Variants in MIB1 observed in about 807,000 individuals in gnomAD.
MIB1 encodes the protein MIB E3 ubiquitin protein ligase 1.
MIB1 carries 278 observed loss-of-function variants against 124.5 expected under a neutral mutation model. That is an observed-to-expected ratio of 2.23 (90% CI 2.02 to 2.47). The LOEUF (loss-of-function observed/expected upper bound fraction) is 2.47. Ranked by LOEUF, MIB1 falls within the 30% of genes most tolerant of loss-of-function variation. The pLI is 0.00. For synonymous variants in MIB1, 446 were observed against 429.4 expected, an observed-to-expected ratio of 1.04 and a Z score of -0.48; for missense variants, 957 against 1,254.4, an observed-to-expected ratio of 0.76 and a Z score of 3.58.
chr18:21,782,145 G>A (rs1387860049), intron 6 of MIB1, among the ~76,000 whole-genome samples: 1 of 151,708 alleles, frequency 6.6e-6, no homozygotes, highest in Non-Finnish European at 1.5e-5. Flanking sequence ...TTTTTGAGAC[G>A]AAGTTTCGCT....
At chr18:21,729,583 G>A (rs961765514) in intron 1 of MIB1, among the ~76,000 whole-genome samples, 5 of 152,136 alleles carry the variant, frequency 3.3e-5, no homozygotes, top group South Asian at 2.1e-4. Flanking sequence ...TCTGCCTCCC[G>A]GGTTCAATTG....
At chr18:21,789,762 G>T (rs2041481032) in intron 6 of MIB1, among the ~76,000 whole-genome samples, 1 of 151,946 alleles carries the variant, frequency 6.6e-6, no homozygotes, top group South Asian at 2.1e-4. Context: ...GTGAGACTCT[G>T]TATCAAAAAA....
In MIB1 at chr18:21,718,008, A is replaced by C. The variant is rs2040697362; in HGVS notation, n.167+12885A>C. Among the ~76,000 whole-genome samples the C allele has an allele frequency of 1.3e-5, 2 of 152,240 alleles. 1 individual carries two copies. The highest frequency in any genetic ancestry group is 1.3e-4 in the Admixed American group (2 of 15,282). ...GAACCAACCCAAATGCCCATCAGTCAGTGAATGAATAAAGAAACTGGTATT... is the reference window on the plus strand; with the variant it reads ...GAACCAACCCAAATGCCCATCAGTCCGTGAATGAATAAAGAAACTGGTATT... On this transcript the variant is annotated intron_variant and non_coding_transcript_variant, in intron 1 of 20. Transcript: ENST00000578646.
chr18:21,707,941 T>C (rs377196402), intron 1 of MIB1, among the ~76,000 whole-genome samples: 2 of 152,202 alleles, frequency 1.3e-5, no homozygotes, highest in Non-Finnish European at 2.9e-5. Context: ...GGTTGGGTTT[T>C]GGTGAGGGCC....
Position 21,869,213 on chromosome 18 carries a change from C to T in MIB1, c.*4547C>T, listed in dbSNP as rs2042340054. 1 of 152,392 alleles carries T rather than the reference C, an allele frequency of 6.6e-6. No individual in the cohort carries two copies. The highest frequency in any genetic ancestry group is 1.5e-5 in the Non-Finnish European group (1 of 67,862). The allele number at this position is 152,392 out of a possible 1,614,324, so 9.4% of individuals were successfully genotyped here. ...GTCATATGCTGAATATTTTACTTTT[C>T]CTGTATAGTCTGCATGATTTGTTTC... On this transcript the variant is annotated 3_prime_UTR_variant, in exon 21 of 21. Transcript: ENST00000261537.
chr18:21,844,355 T>C, intron 15 of MIB1, 102 bp downstream of exon 15: 1 of 1,230,036 alleles, frequency 8.1e-7, no homozygotes, highest in South Asian at 1.4e-5. Flanking sequence ...AAATATTTTA[T>C]CAGAGCTATG....
At chr18:21,765,552 T>C (rs1369731638) in intron 1 of MIB1, among the ~76,000 whole-genome samples, 1 of 152,198 alleles carries the variant, frequency 6.6e-6, no homozygotes, top group African/African-American at 2.4e-5. Flanking sequence ...GTGTTCTTAC[T>C]AATGAAAAAG....
rs1371276398 is a variant in MIB1, at chr18:21,843,195, G to A, written c.2027G>A (p.Arg676Gln). Reference sequence around the variant, plus strand: ...ACTGCCCTACACCTTGCTGTTGAACGACAGCATACCCAGATTGTTAGGGTA... The same window carrying A: ...ACTGCCCTACACCTTGCTGTTGAACAACAGCATACCCAGATTGTTAGGGTA... Reference protein sequence around the residue: ...QQTALHLAVERQHTQIVRLLV... With the variant: ...QQTALHLAVEQQHTQIVRLLV... The change falls in exon 14 of 21, where the codon CGA becomes CAA. Residue 676 changes from arginine (R) to glutamine (Q), a missense_variant. Transcript: ENST00000261537. The A allele has an allele frequency of 4.4e-6, 7 of 1,596,042 alleles. No homozygotes were observed. The highest frequency in any genetic ancestry group is 2.3e-5 in the East Asian group (1 of 43,542).
At position 21,819,518 on chromosome 18, in the gene MIB1, T is replaced by G; in HGVS notation, c.1701T>G (p.Leu567=). 1 of 1,607,514 alleles carries G rather than the reference T, an allele frequency of 6.2e-7. No individual in the cohort carries two copies. The highest frequency in any genetic ancestry group is 2.2e-5 in the East Asian group (1 of 44,822). The change falls in exon 12 of 21, where the codon CTT becomes CTG. Residue 567 remains leucine, a synonymous_variant. Transcript: ENST00000261537. ...SLQDSEGDTP[L]HDAISKKRDD... ...AGGATTCTGAAGGTGATACCCCTCTTCATGATGCAATAAGTAAGAAACGTG... is the reference window on the plus strand; with the variant it reads ...AGGATTCTGAAGGTGATACCCCTCTGCATGATGCAATAAGTAAGAAACGTG...
intron 6 of MIB1, among the ~76,000 whole-genome samples, chr18:21,788,788 A>G (rs895313753): frequency 2.0e-5 from 3 of 152,250 alleles, no homozygotes; most frequent in African/African-American, 2.4e-5. Context: ...CAAGATTGAT[A>G]TAGGAACATC....
At chr18:21,722,080 G>T (rs548903629) in intron 1 of MIB1, among the ~76,000 whole-genome samples, 1 of 152,002 alleles carries the variant, frequency 6.6e-6, no homozygotes, top group South Asian at 2.1e-4. Context: ...TTTAAGACGG[G>T]GTCTTGCTCT....
intron 1 of MIB1, among the ~76,000 whole-genome samples, chr18:21,732,927 T>C (rs2040778914): frequency 1.3e-5 from 2 of 152,176 alleles, no homozygotes; most frequent in African/African-American, 2.4e-5. Flanking sequence ...AAGCAGATGT[T>C]ATTGTTTTTT....
rs1598612845 is a variant in MIB1 at position 21,791,424 on chromosome 18, G to A, written c.959G>A (p.Gly320Glu). The stretch of plus-strand genomic sequence containing the variant: ...ACTAAAGCGAACATTGTCCGAAGTG[G>A]AGATGCTGCTCAGGGTGCAGAAGGA... ...VLTKANIVRS[G>E]DAAQGAEGGT... Residue 320 changes from glycine (G) to glutamate (E), a missense_variant, in exon 7 of 21, where the codon GGA (glycine) becomes GAA (glutamate). Coordinates refer to ENST00000261537, the MANE Select transcript of MIB1 (RefSeq NM_020774.4). 3 of 1,613,796 alleles carry A rather than the reference G, an allele frequency of 1.9e-6. No individual in the cohort carries two copies. The highest frequency in any genetic ancestry group is 2.5e-6 in the Non-Finnish European group (3 of 1,179,910).
intron 19 of MIB1, among the ~76,000 whole-genome samples, chr18:21,857,573 A>G (rs1294512226): frequency 2.6e-5 from 4 of 152,262 alleles, no homozygotes; most frequent in African/African-American, 4.8e-5. Flanking sequence ...GTGGGACACC[A>G]TATTACAATT....
chr18:21,814,719 A>C (rs1231793681), intron 10 of MIB1, among the ~76,000 whole-genome samples: 1 of 151,674 alleles, frequency 6.6e-6, no homozygotes, highest in African/African-American at 2.4e-5. Flanking sequence ...GATTACAGGC[A>C]TGTGCCACCA....
At chr18:21,852,940 A>AGTGCCT (rs1311335799) in intron 17 of MIB1, among the ~76,000 whole-genome samples, 200 bp from the exon 18 acceptor site, 1 of 152,218 alleles carries the variant, frequency 6.6e-6, no homozygotes, top group African/African-American at 2.4e-5. Context: ...AATAGAAATA[A>AGTGCCT]GTGCCTGTTA....
chr18:21,831,146 T>C (rs1167116251), intron 12 of MIB1: 1 of 150,810 alleles, frequency 6.6e-6, no homozygotes, highest in Non-Finnish European at 1.5e-5. Flanking sequence ...AAACACACCT[T>C]ACTCCCCCCA....
intron 1 of MIB1, among the ~76,000 whole-genome samples, chr18:21,745,478 C>G (rs1180009390): frequency 6.6e-6 from 1 of 152,010 alleles, no homozygotes; most frequent in East Asian, 1.9e-4. Context: ...AATTGAGACT[C>G]ATTGGTTTAG....
In MIB1 at chr18:21,858,452, T is replaced by C. The variant is rs954723668; in HGVS notation, c.2780-94T>C. On this transcript the variant is annotated intron_variant, in intron 19 of 20. Transcript: ENST00000261537. ...GAAGAGGATTTTAATAATAGTTTTA[T>C]GTTTTTAATAAACAAAACAGTAATA... The C allele has an allele frequency of 1.9e-5, 12 of 648,256 alleles. No homozygotes were observed. The East Asian group carries it at 3.1e-4, about 17-fold the overall frequency. 40.2% of individuals were successfully genotyped at this position (648,256 alleles called of 1,614,324 possible).
Sources: allele counts gnomAD v4.1 joint callset (sites outside exome capture counted in the v4.1 genomes callset), GRCh38; gene constraint gnomAD v4.1.1; transcripts MANE v1.5; gene names NCBI Gene and HGNC (gene_info 2026-07-23, HGNC 2026-07-21).